The following KLC1 variants were observed in gnomAD, a reference collection of about 807,000 sequenced individuals.
The protein encoded by KLC1 is kinesin 2 60/70kDa.
KLC1 carries 30 observed loss-of-function variants against 84.2 expected under a neutral mutation model. The ratio of observed to expected loss-of-function variants is 0.36; its 90% confidence interval spans 0.27 to 0.48. The LOEUF is 0.48. KLC1 is among the 20% of genes least tolerant of loss of function. KLC1 has a pLI of 0.99. For synonymous variants in KLC1, 289 were observed against 293.3 expected, an observed-to-expected ratio of 0.99 and a Z score of 0.15; for missense variants, 499 against 805.4, an observed-to-expected ratio of 0.62 and a Z score of 4.60.
At chr14:103,666,206 G>C (rs897591335) in intron 5 of KLC1, among the ~76,000 whole-genome samples, 2 of 152,106 alleles carry the variant, frequency 1.3e-5, no homozygotes, top group African/African-American at 2.4e-5. Context: ...TGGGACTACA[G>C]GCGCCTGCCA....
At chr14:103,662,236 A>G in intron 4 of KLC1, 42 bp downstream of exon 4, 1 of 1,474,988 alleles carries the variant, frequency 6.8e-7, no homozygotes, top group Non-Finnish European at 9.5e-7. Flanking sequence ...AGTGCAGAAG[A>G]GAGGTGTTCC....
intron 15 of KLC1, chr14:103,699,928 A>C (rs1595632587): frequency 3.2e-5 from 11 of 340,108 alleles, no homozygotes; most frequent in Admixed American, 4.0e-5. Flanking sequence ...CCATGGTTTC[A>C]CCCTCTCCCC....
At position 103,637,720 on chromosome 14, in the gene KLC1, T is replaced by A. The variant is rs991892986; in HGVS notation, c.-2+8226T>A. ...AAAAAATATTTATGTATTTATTTAATTTTTGAGACAGGATCTTGCTCTGTT... is the reference window on the plus strand; with the variant it reads ...AAAAAATATTTATGTATTTATTTAAATTTTGAGACAGGATCTTGCTCTGTT... On this transcript the variant is annotated intron_variant, in intron 1 of 16. Transcript: ENST00000334553. 3.3e-5 allele frequency among the ~76,000 whole-genome samples: 5 copies of A among 152,172 alleles called. No homozygotes were observed. The East Asian group carries it at 7.7e-4, about 23-fold the overall frequency.
chr14:103,658,872 T>A (rs2079043217), intron 3 of KLC1, among the ~76,000 whole-genome samples: 1 of 151,926 alleles, frequency 6.6e-6, no homozygotes, highest in Non-Finnish European at 1.5e-5. Context: ...TTAGCCAGGA[T>A]GGTCTTGATC....
rs2082083812 is a variant in KLC1 at position 103,691,151 on chromosome 14, C to CT, written c.1782-1208_1782-1207insT. Among the ~76,000 whole-genome samples, 4 of 125,144 alleles carry CT rather than the reference C, an allele frequency of 3.2e-5. 1 individual carries two copies. The highest frequency in any genetic ancestry group is 1.7e-5 in the Non-Finnish European group (1 of 60,588). The allele number at this position is 125,144 out of a possible 152,430, so 82.1% of individuals were successfully genotyped here. The stretch of plus-strand genomic sequence containing the variant: ...GCCTCTCTGCTCCCAGATGGTTCCC[C>CT]CCACTTTTTTTTTTTTTTTTTTTCT... On this transcript the variant is annotated intron_variant, in intron 14 of 16. Coordinates refer to ENST00000334553, the MANE Select transcript of KLC1 (RefSeq NM_001394837.1).
At chr14:103,661,166 A>G (rs1037167606) in intron 3 of KLC1, among the ~76,000 whole-genome samples, 3 of 152,056 alleles carry the variant, frequency 2.0e-5, no homozygotes, top group East Asian at 1.9e-4. Flanking sequence ...GGCCAAGGGC[A>G]CTCAGGAAAT....
chr14:103,643,114 G>C (rs1393278162), intron 1 of KLC1, among the ~76,000 whole-genome samples: 1 of 152,076 alleles, frequency 6.6e-6, no homozygotes, highest in Non-Finnish European at 1.5e-5. Flanking sequence ...ATCACCTAAA[G>C]TATAAAACAA....
intron 8 of KLC1, 26 bp downstream of exon 8, chr14:103,673,213 AG>A (rs1166366287): frequency 6.3e-7 from 1 of 1,598,756 alleles, no homozygotes. Flanking sequence ...AGCACTAGGG[AG>A]GGGGCCAGGA....
chr14:103,683,314 T>C (rs1253849490), intron 13 of KLC1: 1 of 152,188 alleles, frequency 6.6e-6, no homozygotes, highest in Non-Finnish European at 1.5e-5. Flanking sequence ...GGGACTATGA[T>C]TAAACTACTT....
chr14:103,661,378 G>A (rs1419830962), intron 3 of KLC1, among the ~76,000 whole-genome samples: 4 of 152,142 alleles, frequency 2.6e-5, no homozygotes, highest in Non-Finnish European at 5.9e-5. Context: ...TGACATTGGT[G>A]TTTTTGAAGA....
chr14:103,658,743 C>T (rs1259763694), intron 3 of KLC1, among the ~76,000 whole-genome samples: 1 of 150,498 alleles, frequency 6.6e-6, no homozygotes, highest in Non-Finnish European at 1.5e-5. Flanking sequence ...CTGCAACCTC[C>T]ACCTCCCGGG....
intron 5 of KLC1, among the ~76,000 whole-genome samples, chr14:103,666,394 A>C (rs1161693713): frequency 6.6e-6 from 1 of 151,038 alleles, no homozygotes; most frequent in African/African-American, 2.4e-5. Context: ...ACTTGATTTA[A>C]CAAATCACAG....
chr14:103,698,805 G>A (rs1486063332), intron 15 of KLC1: 1 of 1,597,356 alleles, frequency 6.3e-7, no homozygotes, highest in Admixed American at 1.7e-5. Context: ...GTGTCAGTGG[G>A]ACTGGGTCCC....
At chr14:103,695,164 A>G (rs2082350791) in intron 15 of KLC1, 1 of 914,428 alleles carries the variant, frequency 1.1e-6, no homozygotes, top group Non-Finnish European at 1.3e-6. Flanking sequence ...TAAATTATAT[A>G]TATATATATG....
intron 1 of KLC1, among the ~76,000 whole-genome samples, chr14:103,650,464 G>A (rs551796531): frequency 6.6e-6 from 1 of 152,284 alleles, no homozygotes; most frequent in East Asian, 1.9e-4. Flanking sequence ...AGATGGTCCA[G>A]TGATGGTGTG....
intron 3 of KLC1, among the ~76,000 whole-genome samples, chr14:103,658,180 T>TG (rs1226089900): frequency 6.6e-6 from 1 of 152,216 alleles, no homozygotes; most frequent in Non-Finnish European, 1.5e-5. Context: ...CTGGCTCTCT[T>TG]GCCGCCTCTC....
intron 5 of KLC1, among the ~76,000 whole-genome samples, chr14:103,668,713 TC>T (rs2080112440): frequency 6.6e-6 from 1 of 152,090 alleles, no homozygotes. Context: ...TCTTCTGACC[TC>T]GTGATCCGCC....
intron 15 of KLC1, chr14:103,699,841 C>T (rs1567049419): frequency 1.9e-6 from 1 of 530,200 alleles, no homozygotes. Context: ...CACCCCTTGG[C>T]TGTGCCAACA....
chr14:103,654,234 G>T (rs1161394597), intron 1 of KLC1, among the ~76,000 whole-genome samples: 1 of 152,166 alleles, frequency 6.6e-6, no homozygotes, highest in African/African-American at 2.4e-5. Flanking sequence ...AGAGAAAAAG[G>T]CTTGCAAACA....
Sources: gnomAD v4.1 joint callset for allele counts (sites outside exome capture counted in the v4.1 genomes callset) on GRCh38, gnomAD v4.1.1 for gene constraint, MANE v1.5 for transcripts, NCBI Gene and HGNC (gene_info 2026-07-23, HGNC 2026-07-21) for gene names.